SYNJ2: variants seen among roughly 807,000 people sequenced by gnomAD.
SYNJ2 encodes synaptojanin 2, also known as polyphosphatidylinositol phosphatase SYNJ2.
In SYNJ2, 116 loss-of-function variants were observed where a neutral mutation model predicts 141.3. The observed-to-expected ratio is 0.82, with a 90% CI of 0.71 to 0.96. The LOEUF (loss-of-function observed/expected upper bound fraction) is 0.96, where lower values mean the gene tolerates loss of function less well. Among genes scored for constraint, SYNJ2 ranks in the 40% least tolerant of loss-of-function variants. The probability of loss-of-function intolerance (pLI) is 0.00; values close to 1 mark genes in which losing one functional copy is unlikely to be tolerated. For synonymous variants in SYNJ2, 745 were observed against 777.7 expected, an observed-to-expected ratio of 0.96 and a Z score of 0.70; for missense variants, 1,873 against 1,934.8, an observed-to-expected ratio of 0.97 and a Z score of 0.60.
chr6:158,059,984 C>A (rs1781111522), intron 7 of SYNJ2, among the ~76,000 whole-genome samples: 1 of 152,242 alleles, frequency 6.6e-6, no homozygotes, highest in Admixed American at 6.5e-5. Flanking sequence ...TCTGACCTCT[C>A]AAGGTACCCC....
At chr6:158,067,335 T>TA in intron 12 of SYNJ2, 5 of 752,310 alleles carry the variant, frequency 6.6e-6, no homozygotes, top group Non-Finnish European at 8.1e-6. Flanking sequence ...TCAGTGTTGA[T>TA]ATTGACCAAG....
At chr6:158,052,441 A>C (rs1780620541) in intron 5 of SYNJ2, among the ~76,000 whole-genome samples, 1 of 152,168 alleles carries the variant, frequency 6.6e-6, no homozygotes, top group African/African-American at 2.4e-5. Flanking sequence ...TAAAGGAAAG[A>C]GGTTTATTTG....
chr6:158,007,144 T>C (rs1007838405), intron 1 of SYNJ2, among the ~76,000 whole-genome samples: 1 of 152,138 alleles, frequency 6.6e-6, no homozygotes, highest in African/African-American at 2.4e-5. Flanking sequence ...TTTTTTATTA[T>C]ATTTTTAGAG....
chr6:157,985,237 A>AACCTGTCTTC (rs150441012), intron 1 of SYNJ2, among the ~76,000 whole-genome samples: 12 of 144,234 alleles, frequency 8.3e-5, no homozygotes, highest in African/African-American at 2.4e-4. Context: ...CTTCCATCTG[A>AACCTGTCTTC]ACCTGTCTTC....
At position 158,089,963 on chromosome 6, in the gene SYNJ2, G is replaced by A. The variant is rs967654839; in HGVS notation, c.3565+16G>A. The A allele has an allele frequency of 6.3e-7, 1 of 1,586,330 alleles. No individual in the cohort carries two copies. The highest frequency in any genetic ancestry group is 1.3e-5 in the African/African-American group (1 of 74,298). ...GCCAGAGGAGGTAGGTGCTTTCCTG[G>A]GGGCAGGGGAAAAACCAATTCTCCT... On this transcript the variant is annotated intron_variant, in intron 25 of 26. Coordinates refer to ENST00000355585, the MANE Select transcript of SYNJ2 (RefSeq NM_003898.4).
At chr6:158,083,875 T>G in intron 21 of SYNJ2, 126 bp from the exon 22 acceptor site, 3 of 1,148,778 alleles carry the variant, frequency 2.6e-6, no homozygotes, top group Middle Eastern at 2.0e-4. Context: ...TGCTGGCGCC[T>G]GGGCCCTGAG....
chr6:158,090,557 T>A (rs1783379189), intron 25 of SYNJ2, among the ~76,000 whole-genome samples: 1 of 149,582 alleles, frequency 6.7e-6, no homozygotes, highest in South Asian at 2.1e-4. Context: ...TTTTTTTTTT[T>A]TTTTTGAGAC....
At position 158,028,995 on chromosome 6, in the gene SYNJ2, G is replaced by A; in HGVS notation, c.454G>A (p.Asp152Asn). 2 of 1,586,938 alleles carry A rather than the reference G, an allele frequency of 1.3e-6. No homozygotes were observed. The change falls in exon 3 of 27, where the codon GAC (aspartate) becomes AAC (asparagine). Residue 152 changes from aspartate to asparagine, a missense_variant. Physicochemically the swap from Asp to Asn is conservative, Grantham distance 23. Coordinates refer to ENST00000355585, the MANE Select transcript of SYNJ2 (RefSeq NM_003898.4). ...LTVRTQKQGD[D>N]SSEWGNSFFW... is the part of the protein sequence containing the mutation. Reference sequence around the variant, plus strand: ...TGTCCGCACGCAGAAGCAGGGGGATGACAGCTCTGAATGGGGGAACTCCTT... The same window carrying A: ...TGTCCGCACGCAGAAGCAGGGGGATAACAGCTCTGAATGGGGGAACTCCTT...
intron 12 of SYNJ2, chr6:158,067,930 C>G: frequency 2.0e-6 from 2 of 985,276 alleles, no homozygotes; most frequent in Non-Finnish European, 2.4e-6. Context: ...CCTCCAGTCC[C>G]CACGAAAGTG....
At chr6:158,028,201 T>A (rs963485441) in intron 2 of SYNJ2, 2 of 157,936 alleles carry the variant, frequency 1.3e-5, no homozygotes, top group Admixed American at 1.2e-4. Context: ...TCTGTCGTAG[T>A]CCTGCAGGGA....
At position 158,028,665 on chromosome 6, in the gene SYNJ2, C is replaced by T. The variant is rs552505979; in HGVS notation, c.215-91C>T. ...TGCACAGACGTTGCCTTCCTGGCTGCGGTTGAACCTGGGCTCCATTTGTCC... is the reference window on the plus strand; with the variant it reads ...TGCACAGACGTTGCCTTCCTGGCTGTGGTTGAACCTGGGCTCCATTTGTCC... On this transcript the variant is annotated intron_variant, in intron 2 of 26. Coordinates refer to ENST00000355585, the MANE Select transcript of SYNJ2 (RefSeq NM_003898.4). 9.2e-6 allele frequency: 14 copies of T among 1,526,978 alleles called. No homozygotes were observed. The South Asian group carries it at 1.0e-4, about 11-fold the overall frequency. 94.6% of individuals were successfully genotyped at this position (1,526,978 alleles called of 1,614,324 possible).
chr6:158,017,630 G>A (rs2128327952), intron 2 of SYNJ2: 1 of 426,890 alleles, frequency 2.3e-6, no homozygotes, highest in Non-Finnish European at 4.7e-6. Flanking sequence ...TGGTCAGGCT[G>A]GTCTGAAACT....
At chr6:158,035,275 A>T (rs919535303) in intron 4 of SYNJ2, among the ~76,000 whole-genome samples, 15 of 152,312 alleles carry the variant, frequency 9.8e-5, no homozygotes, top group African/African-American at 3.6e-4. Context: ...TTTGGGCATT[A>T]TGTCCATTTT....
intron 11 of SYNJ2, 81 bp from the exon 12 acceptor site, chr6:158,066,363 C>A: frequency 1.3e-6 from 2 of 1,513,488 alleles, no homozygotes; most frequent in South Asian, 1.2e-5. Context: ...CTGTCTCTGC[C>A]AGGCAGCCTC....
At chr6:158,041,203 T>A (rs1562349244) in intron 4 of SYNJ2, among the ~76,000 whole-genome samples, 1 of 151,986 alleles carries the variant, frequency 6.6e-6, no homozygotes, top group Non-Finnish European at 1.5e-5. Context: ...GCTGGGCAAA[T>A]GGGGGTTTGC....
At chr6:157,987,342 A>T (rs1777244870) in intron 1 of SYNJ2, among the ~76,000 whole-genome samples, 1 of 152,164 alleles carries the variant, frequency 6.6e-6, no homozygotes, top group South Asian at 2.1e-4. Flanking sequence ...TATGTGTACA[A>T]TGTGGAATGA....
Position 158,017,185 on chromosome 6 carries a change from T to A in SYNJ2, c.128-19T>A, listed in dbSNP as rs1778496598. ...AGGAGACGCTCGCTGATGCCTTCTGTGATGTGTTTCTTCCCCAGCTCCAGA... is the reference window on the plus strand; with the variant it reads ...AGGAGACGCTCGCTGATGCCTTCTGAGATGTGTTTCTTCCCCAGCTCCAGA... On this transcript the variant is annotated intron_variant, in intron 1 of 26. Coordinates refer to ENST00000355585, the MANE Select transcript of SYNJ2 (RefSeq NM_003898.4). 2.5e-6 allele frequency: 4 copies of A among 1,611,862 alleles called. No homozygotes were observed.
At chr6:157,993,803 T>G (rs971087637) in intron 1 of SYNJ2, among the ~76,000 whole-genome samples, 5 of 27,206 alleles carry the variant, frequency 1.8e-4, no homozygotes, top group African/African-American at 1.4e-3. Flanking sequence ...GTGGGTTTTT[T>G]TTTTTTTTTT....
At chr6:157,991,709 A>T (rs375616984) in intron 1 of SYNJ2, among the ~76,000 whole-genome samples, 1 of 152,246 alleles carries the variant, frequency 6.6e-6, no homozygotes, top group South Asian at 2.1e-4. Flanking sequence ...AAATCTTAGG[A>T]GATGTGATCT....
Sources: allele counts gnomAD v4.1 joint callset (sites outside exome capture counted in the v4.1 genomes callset), GRCh38; gene constraint gnomAD v4.1.1; transcripts MANE v1.5; gene names NCBI Gene and HGNC (gene_info 2026-07-23, HGNC 2026-07-21).